SPEN: variants seen among roughly 807,000 people sequenced by gnomAD.
SPEN encodes spen family transcriptional repressor, also known as msx2-interacting protein.
A neutral mutation model predicts 269.9 loss-of-function variants in SPEN; 18 were observed. That is an observed-to-expected ratio of 0.07 (90% CI 0.05 to 0.10). The LOEUF (loss-of-function observed/expected upper bound fraction) is 0.10, where lower values mean the gene tolerates loss of function less well. Among genes scored for constraint, SPEN ranks in the 10% least tolerant of loss-of-function variants. SPEN has a pLI of 1.00. For missense variants in SPEN, 3,822 were observed against 4,631.2 expected (o/e 0.83, Z 5.07); for synonymous variants, 1,726 against 1,765.7 (o/e 0.98, Z 0.56).
In SPEN at chr1:15,936,015, C is replaced by G; in HGVS notation, c.9775C>G (p.Pro3259Ala). 6.3e-7 allele frequency: 1 copy of G among 1,591,572 alleles called. No homozygotes were observed. The highest frequency in any genetic ancestry group is 8.6e-7 in the Non-Finnish European group (1 of 1,167,186). The part of the protein sequence containing the change: ...PVPVPVPLPA[P>A]APAPHGEARI... The stretch of plus-strand genomic sequence containing the variant: ...CCCTGTCCCTGTCCCCCTTCCTGCC[C>G]CTGCTCCTGCCCCTCATGGTGAGGC... The change falls in exon 11 of 15, where the codon CCT becomes GCT. Residue 3259 changes from proline (P) to alanine (A), a missense_variant. Physicochemically the swap from Pro to Ala is conservative, Grantham distance 27. This residue lies in a region of SPEN where 359 missense variants were observed against 377.3 expected (regional missense o/e 0.95). Coordinates refer to ENST00000375759, the MANE Select transcript of SPEN (RefSeq NM_015001.3).
Position 15,937,298 on chromosome 1 carries a change from G to A in SPEN, c.10162G>A (p.Val3388Met), listed in dbSNP as rs1205802663. 1 of 1,613,884 alleles carries A rather than the reference G, an allele frequency of 6.2e-7. No individual in the cohort carries two copies. Among genetic ancestry groups the A allele is most frequent in the Non-Finnish European group, 8.5e-7 (1 of 1,179,988 alleles). ...GQPPSSKMPQ[V>M]SQEAKGTQTG... ...GCCACCAAGCAGCAAGATGCCTCAA[G>A]TGTCCCAGGAGGCAAAGGGGACCCA... Residue 3388 changes from valine (V) to methionine (M), a missense_variant, in exon 12 of 15, where the codon GTG (valine) becomes ATG (methionine). Around this residue, in one of 16 missense-constraint regions of SPEN, gnomAD observed 359 missense variants for 377.3 expected, o/e 0.95. Coordinates refer to ENST00000375759, the MANE Select transcript of SPEN (RefSeq NM_015001.3). This position sits in a 1 kb window ranked among gnomAD's most constrained non-coding sequence, Gnocchi z 5.7.
chr1:15,932,330 C>T lies in SPEN; in HGVS notation c.6090C>T (p.Pro2030=), dbSNP rs770570990. 1.2e-6 allele frequency: 2 copies of T among 1,613,284 alleles called. No individual in the cohort carries two copies. The highest frequency in any genetic ancestry group is 2.2e-5 in the East Asian group (1 of 44,872). ...GCGTGAAAGAGAGCTCCATGGAACC[C>T]AAGGCTGCTGAGGAGGAGGCAGGGA... ...QIGVKESSME[P]KAAEEEAGSE... is the part of the protein sequence containing the mutation. Residue 2030 remains proline, a synonymous_variant, in exon 11 of 15, where the codon CCC becomes CCT. Transcript: ENST00000375759. This position sits in a 1 kb window ranked among gnomAD's most constrained non-coding sequence, Gnocchi z 4.2.
chr1:15,923,272 T>A (rs762023256), intron 10 of SPEN, among the ~76,000 whole-genome samples: 1 of 152,230 alleles, frequency 6.6e-6, no homozygotes, highest in Admixed American at 6.5e-5. Flanking sequence ...TTTTTTCTGC[T>A]GAACAGACCG....
intron 3 of SPEN, among the ~76,000 whole-genome samples, chr1:15,886,838 C>T (rs2070740791): frequency 6.6e-6 from 1 of 152,138 alleles, no homozygotes; most frequent in Non-Finnish European, 1.5e-5. Flanking sequence ...AACTGTCCCT[C>T]TCACCCCTTC....
chr1:15,872,522 C>T (rs1221726313), intron 1 of SPEN, among the ~76,000 whole-genome samples: 2 of 151,422 alleles, frequency 1.3e-5, no homozygotes, highest in Admixed American at 6.6e-5. Flanking sequence ...ATGGCGTGAA[C>T]CCCAGAGGTG....
At chr1:15,915,555 A>G (rs939653791) in intron 5 of SPEN, among the ~76,000 whole-genome samples, 9 of 152,286 alleles carry the variant, frequency 5.9e-5, no homozygotes, top group African/African-American at 1.9e-4. Context: ...TTTTTGAGAC[A>G]GGTTCTCTCA....
chr1:15,931,600 C>T lies in SPEN; in HGVS notation c.5360C>T (p.Ala1787Val), dbSNP rs764419927. Residue 1787 changes from alanine (A) to valine (V), a missense_variant, in exon 11 of 15, where the codon GCA (alanine) becomes GTA (valine). Ala to Val is a moderately conservative substitution (Grantham distance 64, BLOSUM62 0). Coordinates refer to ENST00000375759, the MANE Select transcript of SPEN (RefSeq NM_015001.3). The surrounding 1 kb of genome is among the most constrained non-coding windows in gnomAD (Gnocchi z 4.8). ...GCCACTGCAGATGCTGAGCCTGATG[C>T]AAACCAGAAAGCCGAAGCTGCTCCT... is the stretch of plus-strand genomic sequence containing the variant. Reference protein sequence around the residue: ...PDATADAEPDANQKAEAAPES... With the variant: ...PDATADAEPDVNQKAEAAPES... The T allele has an allele frequency of 6.2e-7, 1 of 1,614,104 alleles. No individual in the cohort carries two copies. The highest frequency in any genetic ancestry group is 8.5e-7 in the Non-Finnish European group (1 of 1,180,012).
Position 15,873,015 on chromosome 1 carries a change from G to A in SPEN, c.283G>A (p.Val95Ile). 1 of 1,614,168 alleles carries A rather than the reference G, an allele frequency of 6.2e-7. No homozygotes were observed. Among genetic ancestry groups the A allele is most frequent in the African/African-American group, 1.3e-5 (1 of 75,026 alleles). ...PSAARGLDDT[V>I]SIASRSREVS... ...TGCTGCTCGGGGATTGGATGATACA[G>A]TTTCCATAGCATCTCGTAGTAGAGA... Residue 95 changes from valine to isoleucine, a missense_variant, in exon 2 of 15, where the codon GTT becomes ATT. Transcript: ENST00000375759.
chr1:15,930,603 T>G lies in SPEN; in HGVS notation c.4363T>G (p.Ser1455Ala), dbSNP rs1161858807. Reference protein sequence around the residue: ...KALLERAKSLSSSREENWSFL... With the variant: ...KALLERAKSLASSREENWSFL... Reference sequence around the variant, plus strand: ...TTTGCTTGAAAGAGCTAAATCCCTCTCTTCATCTCGTGAAGAAAATTGGTC... The same window carrying G: ...TTTGCTTGAAAGAGCTAAATCCCTCGCTTCATCTCGTGAAGAAAATTGGTC... Residue 1455 changes from serine (S) to alanine (A), a missense_variant, in exon 11 of 15, where the codon TCT becomes GCT. Ser to Ala is a moderately conservative substitution (Grantham distance 99, BLOSUM62 1). Coordinates refer to ENST00000375759, the MANE Select transcript of SPEN (RefSeq NM_015001.3). This position sits in a 1 kb window ranked among gnomAD's most constrained non-coding sequence, Gnocchi z 5.3. The G allele has an allele frequency of 1.2e-6, 2 of 1,614,070 alleles. No homozygotes were observed. Among genetic ancestry groups the G allele is most frequent in the Non-Finnish European group, 1.7e-6 (2 of 1,180,020 alleles).
At chr1:15,858,169 G>A (rs942755700) in intron 1 of SPEN, among the ~76,000 whole-genome samples, 2 of 151,488 alleles carry the variant, frequency 1.3e-5, no homozygotes, top group African/African-American at 4.9e-5. Flanking sequence ...GCCTAGGCTG[G>A]TCTTGAACTC....
chr1:15,874,368 A>G, intron 2 of SPEN: 3 of 1,365,884 alleles, frequency 2.2e-6, no homozygotes, highest in Non-Finnish European at 2.9e-6. Flanking sequence ...AATTGGGATT[A>G]TAGGTCGTGT....
In SPEN at chr1:15,916,295, T is replaced by G. The variant is rs202005223; in HGVS notation, c.1395+16T>G. The G allele has an allele frequency of 4.3e-4, 693 of 1,606,008 alleles. No individual in the cohort carries two copies. Among genetic ancestry groups the G allele is most frequent in the Non-Finnish European group, 5.7e-4 (668 of 1,177,826 alleles). On this transcript the variant is annotated intron_variant, in intron 6 of 14. Coordinates refer to ENST00000375759, the MANE Select transcript of SPEN (RefSeq NM_015001.3). Reference sequence around the variant, plus strand: ...AGAAATTGTGGTATGTTGCTTTTACTATGTAAACAATTTTAGGTCTTTGTC... The same window carrying G: ...AGAAATTGTGGTATGTTGCTTTTACGATGTAAACAATTTTAGGTCTTTGTC...
chr1:15,883,854 G>A (rs2070711904), intron 3 of SPEN, among the ~76,000 whole-genome samples: 1 of 144,662 alleles, frequency 6.9e-6, no homozygotes, highest in African/African-American at 2.6e-5. Context: ...CTGTCGCCCA[G>A]GCTGGAGTGC....
At chr1:15,936,642 CAAA>C (rs60059470) in intron 11 of SPEN, among the ~76,000 whole-genome samples, 2 of 123,784 alleles carry the variant, frequency 1.6e-5, no homozygotes, top group Non-Finnish European at 3.4e-5. Flanking sequence ...GACCCAGTCT[CAAA>C]AAAAAAAAAA....
Position 15,930,380 on chromosome 1 carries a change from T to C in SPEN, c.4140T>C (p.Ser1380=), listed in dbSNP as rs765721800. The change falls in exon 11 of 15, where the codon TCT becomes TCC. Residue 1380 remains serine, a synonymous_variant. Coordinates refer to ENST00000375759, the MANE Select transcript of SPEN (RefSeq NM_015001.3). This position sits in a 1 kb window ranked among gnomAD's most constrained non-coding sequence, Gnocchi z 5.3. ...ATCTGGAACCTGGTGAGGTGCCTTC[T>C]GATTCTGACGAAGATGGTGAACACA... ...VRDLEPGEVP[S]DSDEDGEHKS... is the part of the protein sequence containing the mutation. 19 of 1,613,482 alleles carry C rather than the reference T, an allele frequency of 1.2e-5. No homozygotes were observed. The highest frequency in any genetic ancestry group is 1.5e-5 in the Non-Finnish European group (18 of 1,179,610).
chr1:15,865,472 G>C (rs531456015), intron 1 of SPEN, among the ~76,000 whole-genome samples: 1 of 148,012 alleles, frequency 6.8e-6, no homozygotes, highest in East Asian at 2.0e-4. Context: ...TGCCAGGCTG[G>C]AGTGCAGTGT....
rs1227809905 is a variant in SPEN, at chr1:15,930,108, G to A, written c.3868G>A (p.Val1290Ile). 6.2e-7 allele frequency: 1 copy of A among 1,614,186 alleles called. No individual in the cohort carries two copies. Among genetic ancestry groups the A allele is most frequent in the Non-Finnish European group, 8.5e-7 (1 of 1,180,036 alleles). The change falls in exon 11 of 15, where the codon GTA (valine) becomes ATA (isoleucine). Residue 1290 changes from valine to isoleucine, a missense_variant. This residue lies in a region of SPEN where 267 missense variants were observed against 315.5 expected (regional missense o/e 0.85). Transcript: ENST00000375759. This position sits in a 1 kb window ranked among gnomAD's most constrained non-coding sequence, Gnocchi z 5.3. ...ACTGTCAGTAAAAGGGTCTCCTAAAGTAGATGAAAAAGTCCTCCCCTATTC... is the reference window on the plus strand; with the variant it reads ...ACTGTCAGTAAAAGGGTCTCCTAAAATAGATGAAAAAGTCCTCCCCTATTC... ...RLLSVKGSPK[V>I]DEKVLPYSNI... is the part of the protein sequence containing the mutation.
rs1268590553 is a variant in SPEN, at chr1:15,861,436, CTTT to C, written c.84-11376_84-11374del. Among the ~76,000 whole-genome samples the C allele has an allele frequency of 1.3e-4, 20 of 152,054 alleles. No homozygotes were observed. In the East Asian group the frequency reaches 3.7e-3, roughly 28 times the overall value. ...TGAGCCAGCGTGCCTGGCCCAGATA[CTTT>C]TTTATGGAGTAAGGATAAAAGTCAC... On this transcript the variant is annotated intron_variant, in intron 1 of 14. Coordinates refer to ENST00000375759, the MANE Select transcript of SPEN (RefSeq NM_015001.3).
intron 3 of SPEN, among the ~76,000 whole-genome samples, chr1:15,885,891 C>G (rs901666993): frequency 2.0e-5 from 3 of 152,116 alleles, no homozygotes; most frequent in African/African-American, 7.2e-5. Flanking sequence ...TTTTTTGGCT[C>G]CTGTATTGCT....
Sources: gnomAD v4.1 joint callset for allele counts (sites outside exome capture counted in the v4.1 genomes callset) on GRCh38, gnomAD v4.1.1 for gene constraint, gnomAD v4.1.1 regional missense constraint, Gnocchi (gnomAD v3.1) non-coding constraint, MANE v1.5 for transcripts, NCBI Gene and HGNC (gene_info 2026-07-23, HGNC 2026-07-21) for gene names.